The following SGCZ variants were observed in gnomAD, a reference collection of about 807,000 sequenced individuals.
SGCZ encodes sarcoglycan zeta.
SGCZ carries 40 observed loss-of-function variants against 41.3 expected under a neutral mutation model. That is an observed-to-expected ratio of 0.97 (90% CI 0.75 to 1.26). The LOEUF (loss-of-function observed/expected upper bound fraction) is 1.26, where lower values mean the gene tolerates loss of function less well. Ranked by LOEUF, SGCZ falls within the 50% of genes most tolerant of loss-of-function variation. SGCZ has a pLI of 0.00. For missense variants in SGCZ, 552 were observed against 369.8 expected, an observed-to-expected ratio of 1.49 and a Z score of -4.04; for synonymous variants, 206 against 137.5, an observed-to-expected ratio of 1.50 and a Z score of -3.49.
At chr8:15,070,342 T>G (rs1044446997) in intron 1 of SGCZ, among the ~76,000 whole-genome samples, 1 of 152,192 alleles carries the variant, frequency 6.6e-6, no homozygotes, top group African/African-American at 2.4e-5. Flanking sequence ...TAAAAGCAAC[T>G]GGAAAATTTA....
chr8:14,516,272 C>CT (rs951377314), intron 2 of SGCZ, among the ~76,000 whole-genome samples: 1 of 151,098 alleles, frequency 6.6e-6, no homozygotes, highest in Non-Finnish European at 1.5e-5. Context: ...TCAGTAGGTA[C>CT]TTTTTTTTTG....
intron 2 of SGCZ, among the ~76,000 whole-genome samples, chr8:14,427,210 T>G (rs4375000): frequency 6.6e-6 from 1 of 152,036 alleles, no homozygotes; most frequent in Admixed American, 6.6e-5. Flanking sequence ...GATAAAGAGG[T>G]TCAGGAAAAA....
intron 1 of SGCZ, among the ~76,000 whole-genome samples, chr8:14,718,514 A>G (rs1232049034): frequency 6.6e-6 from 1 of 152,142 alleles, no homozygotes; most frequent in Non-Finnish European, 1.5e-5. Context: ...GAAGAGTCTT[A>G]TAAATTAAAT....
At chr8:14,546,888 T>G (rs1189750688) in intron 2 of SGCZ, among the ~76,000 whole-genome samples, 2 of 152,296 alleles carry the variant, frequency 1.3e-5, no homozygotes, top group Non-Finnish European at 1.5e-5. Context: ...CTCTTGTTCA[T>G]CAGTGTGACC....
In SGCZ at chr8:14,303,907, A is replaced by G. The variant is rs994126105; in HGVS notation, c.336+20196T>C. ...GCTAGGATTATAGGCACCCGCCACC[A>G]AGCCCAGCTAATTTTTCTATTTTTA... On this transcript the variant is annotated intron_variant, in intron 3 of 7. Transcript: ENST00000382080. Among the ~76,000 whole-genome samples the G allele has an allele frequency of 3.9e-4, 59 of 152,004 alleles. 1 individual carries two copies. The highest frequency in any genetic ancestry group is 1.4e-3 in the African/African-American group (57 of 41,492).
At chr8:14,631,998 G>C (rs537481215) in intron 1 of SGCZ, among the ~76,000 whole-genome samples, 2 of 151,886 alleles carry the variant, frequency 1.3e-5, no homozygotes, top group Non-Finnish European at 2.9e-5. Context: ...TACTTTTCTT[G>C]TTAGTGCTTA....
At chr8:14,583,922 T>C (rs1305609870) in intron 1 of SGCZ, among the ~76,000 whole-genome samples, 4 of 152,154 alleles carry the variant, frequency 2.6e-5, no homozygotes, top group Admixed American at 6.6e-5. Flanking sequence ...TATGCAATTA[T>C]GTATGATGCC....
chr8:14,773,045 C>T (rs1207368486), intron 1 of SGCZ, among the ~76,000 whole-genome samples: 1 of 152,152 alleles, frequency 6.6e-6, no homozygotes, highest in South Asian at 2.1e-4. Context: ...GTCCCACCAA[C>T]AGTGTAAAAG....
intron 3 of SGCZ, among the ~76,000 whole-genome samples, chr8:14,284,495 A>G (rs1800557935): frequency 6.6e-6 from 1 of 152,206 alleles, no homozygotes; most frequent in African/African-American, 2.4e-5. Flanking sequence ...TTGTTTTCAA[A>G]TTATCCATGC....
chr8:14,783,188 C>G (rs979097691), intron 1 of SGCZ, among the ~76,000 whole-genome samples: 1 of 152,058 alleles, frequency 6.6e-6, no homozygotes, highest in African/African-American at 2.4e-5. Flanking sequence ...AATACCAACA[C>G]TTTGGGAGGC....
chr8:14,542,421 CTATT>C (rs1803498037), intron 2 of SGCZ, among the ~76,000 whole-genome samples: 1 of 151,986 alleles, frequency 6.6e-6, no homozygotes, highest in East Asian at 1.9e-4. Flanking sequence ...TCACTAATGA[CTATT>C]TAGTATATTT....
intron 7 of SGCZ, among the ~76,000 whole-genome samples, chr8:14,100,723 G>A (rs10104339): frequency 0.38 from 56,802 of 150,716 alleles, 11,635 homozygotes; most frequent in Non-Finnish European, 0.47. Flanking sequence ...TTTTAAAAAG[G>A]AAGTAAATGT....
At chr8:14,936,737 G>A (rs1025964347) in intron 1 of SGCZ, among the ~76,000 whole-genome samples, 2 of 151,850 alleles carry the variant, frequency 1.3e-5, no homozygotes, top group African/African-American at 4.8e-5. Context: ...CTTTAAATTA[G>A]AGTGGTTAAA....
At chr8:14,376,629 A>G (rs1218700795) in intron 2 of SGCZ, among the ~76,000 whole-genome samples, 2 of 152,194 alleles carry the variant, frequency 1.3e-5, no homozygotes, top group African/African-American at 4.8e-5. Flanking sequence ...AAGTTGTTCC[A>G]GAGCATAGAA....
chr8:14,770,453 G>C (rs6989254), intron 1 of SGCZ, among the ~76,000 whole-genome samples: 9,866 of 151,644 alleles, frequency 0.065, 687 homozygotes, highest in African/African-American at 0.17. Flanking sequence ...TAAGGAGAGG[G>C]AGGTAAACTC....
chr8:14,888,225 A>G (rs1020738273), intron 1 of SGCZ, among the ~76,000 whole-genome samples: 1 of 152,186 alleles, frequency 6.6e-6, no homozygotes, highest in Non-Finnish European at 1.5e-5. Flanking sequence ...TTAAATGACA[A>G]AAGATGGCTA....
rs111458076 is a variant in SGCZ, at chr8:14,199,825, G to C, written c.425-35123C>G. Among the ~76,000 whole-genome samples, 891 of 152,140 alleles carry C rather than the reference G, an allele frequency of 5.9e-3. 9 individuals are homozygous for C. Among genetic ancestry groups the C allele is most frequent in the African/African-American group, 0.021 (852 of 41,496 alleles). ...AGAAAAAATGTGAAAGTTCACGACT[G>C]ACAATGAAAAAAATGGATTTTGAAG... On this transcript the variant is annotated intron_variant, in intron 4 of 7. Transcript: ENST00000382080.
intron 4 of SGCZ, among the ~76,000 whole-genome samples, chr8:14,231,217 AAG>A (rs150242028): frequency 2.7e-5 from 2 of 73,146 alleles, no homozygotes; most frequent in Non-Finnish European, 3.0e-5. Flanking sequence ...GAGAGGGGGA[AAG>A]AGAGAGAGAG....
intron 6 of SGCZ, among the ~76,000 whole-genome samples, chr8:14,106,945 G>A (rs777309569): frequency 2.1e-4 from 32 of 152,200 alleles, no homozygotes; most frequent in Non-Finnish European, 3.5e-4. Context: ...GGCTAGGCGC[G>A]GTGGCTCACG....
Sources: allele counts gnomAD v4.1 joint callset (sites outside exome capture counted in the v4.1 genomes callset), GRCh38; gene constraint gnomAD v4.1.1; transcripts MANE v1.5; gene names NCBI Gene and HGNC (gene_info 2026-07-23, HGNC 2026-07-21).